The following BRINP2 variants were observed in gnomAD, a reference collection of about 807,000 sequenced individuals.
BRINP2 encodes the protein BMP/retinoic acid inducible neural specific 2.
A neutral mutation model predicts 69.2 loss-of-function variants in BRINP2; 21 were observed. The ratio of observed to expected loss-of-function variants is 0.30; its 90% confidence interval spans 0.22 to 0.44. BRINP2 has a LOEUF of 0.44. Among genes scored for constraint, BRINP2 ranks in the 20% least tolerant of loss-of-function variants. The pLI is 1.00. For synonymous variants in BRINP2, 380 were observed against 394.1 expected, an observed-to-expected ratio of 0.96 and a Z score of 0.42; for missense variants, 877 against 986.0, an observed-to-expected ratio of 0.89 and a Z score of 1.48.
At chr1:177,195,499 TG>T (rs1167031492) in intron 1 of BRINP2, among the ~76,000 whole-genome samples, 1 of 150,400 alleles carries the variant, frequency 6.6e-6, no homozygotes, top group East Asian at 1.9e-4. Flanking sequence ...CTCCCTCTTC[TG>T]TGACCGCTCT....
intron 1 of BRINP2, among the ~76,000 whole-genome samples, chr1:177,211,998 CTGTT>C (rs1649234395): frequency 6.6e-6 from 1 of 152,044 alleles, no homozygotes; most frequent in Non-Finnish European, 1.5e-5. Context: ...TTTTCTTTCT[CTGTT>C]TGAGTATATC....
At chr1:177,183,024 G>T (rs1200062512) in intron 1 of BRINP2, among the ~76,000 whole-genome samples, 1 of 149,338 alleles carries the variant, frequency 6.7e-6, no homozygotes, top group Admixed American at 6.7e-5. Context: ...AGGGCAGCAT[G>T]CAAATGCTGT....
Position 177,229,917 on chromosome 1 carries a change from C to T in BRINP2, c.41C>T (p.Pro14Leu), listed in dbSNP as rs140915160. The T allele has an allele frequency of 4.7e-5, 75 of 1,607,052 alleles. No individual in the cohort carries two copies. The African/African-American group carries it at 7.1e-4, about 15-fold the overall frequency. The change falls in exon 2 of 8, where the codon CCG becomes CTG. Residue 14 changes from proline to leucine, a missense_variant. By Grantham distance (98) the Pro-to-Leu change is moderately conservative. This residue lies in a region of BRINP2 where 566 missense variants were observed against 625.2 expected (regional missense o/e 0.91). Coordinates refer to ENST00000361539, the MANE Select transcript of BRINP2 (RefSeq NM_021165.4). Reference sequence around the variant, plus strand: ...GGCACTCGGTTTAGAGGGCTTCGGCCGGCGGTGGCCCCATGGACAGCCCTG... The same window carrying T: ...GGCACTCGGTTTAGAGGGCTTCGGCTGGCGGTGGCCCCATGGACAGCCCTG... The part of the protein sequence containing the change: ...QCGTRFRGLR[P>L]AVAPWTALLA...
In BRINP2 at chr1:177,280,667, G is replaced by A; in HGVS notation, c.1491G>A (p.Glu497=). 6.2e-7 allele frequency: 1 copy of A among 1,614,260 alleles called. No homozygotes were observed. Among genetic ancestry groups the A allele is most frequent in the South Asian group, 1.1e-5 (1 of 91,090 alleles). The part of the protein sequence containing the change: ...AQGLCRPEVA[E]SLENFLGLET... ...GGCTGTGCCGGCCAGAGGTGGCCGA[G>A]TCCCTGGAAAACTTTCTTGGGCTGG... The change falls in exon 8 of 8, where the codon GAG becomes GAA. Residue 497 remains glutamate, a synonymous_variant. Coordinates refer to ENST00000361539, the MANE Select transcript of BRINP2 (RefSeq NM_021165.4).
chr1:177,211,129 C>T (rs1047454142), intron 1 of BRINP2, among the ~76,000 whole-genome samples: 4 of 151,940 alleles, frequency 2.6e-5, no homozygotes, highest in South Asian at 2.1e-4. Flanking sequence ...TGTCTTACAA[C>T]GTCTAAGGTA....
chr1:177,264,109 C>T lies in BRINP2; in HGVS notation c.669+6725C>T, dbSNP rs188934575. On this transcript the variant is annotated intron_variant, in intron 4 of 7. Coordinates refer to ENST00000361539, the MANE Select transcript of BRINP2 (RefSeq NM_021165.4). Reference sequence around the variant, plus strand: ...CATTTAGTCCTGTAGGGGACTGTGTCAAAGTTGGAGAAAAATGGATCATAT... The same window carrying T: ...CATTTAGTCCTGTAGGGGACTGTGTTAAAGTTGGAGAAAAATGGATCATAT... 3.6e-4 allele frequency among the ~76,000 whole-genome samples: 55 copies of T among 152,180 alleles called. No individual in the cohort carries two copies. In the East Asian group the frequency reaches 8.3e-3, roughly 23 times the overall value.
chr1:177,258,130 G>T (rs1481679494), intron 4 of BRINP2, among the ~76,000 whole-genome samples: 1 of 152,208 alleles, frequency 6.6e-6, no homozygotes, highest in Admixed American at 6.5e-5. Context: ...AATAGTTATT[G>T]TGACTTTAAT....
chr1:177,258,022 A>G (rs1221720249), intron 4 of BRINP2, among the ~76,000 whole-genome samples: 1 of 152,232 alleles, frequency 6.6e-6, no homozygotes. Flanking sequence ...GTTATGTGCC[A>G]TGAGAAGGAA....
intron 2 of BRINP2, among the ~76,000 whole-genome samples, chr1:177,230,365 C>T (rs1008332405): frequency 1.2e-4 from 18 of 152,202 alleles, no homozygotes; most frequent in Non-Finnish European, 2.6e-4. Flanking sequence ...CCTGCTGATA[C>T]CTCCTGGGGA....
At chr1:177,250,920 T>G (rs116405532) in intron 2 of BRINP2, among the ~76,000 whole-genome samples, 1,628 of 152,354 alleles carry the variant, frequency 0.011, 27 homozygotes, top group African/African-American at 0.037. Flanking sequence ...ATCTATAAAA[T>G]GAAGATAATT....
intron 1 of BRINP2, among the ~76,000 whole-genome samples, chr1:177,176,693 G>A (rs1306212328): frequency 6.6e-6 from 1 of 151,998 alleles, no homozygotes; most frequent in African/African-American, 2.4e-5. Context: ...CCCAGAGTGA[G>A]CCTTAAGGCA....
chr1:177,191,196 G>C (rs1247743713), intron 1 of BRINP2, among the ~76,000 whole-genome samples: 1 of 152,212 alleles, frequency 6.6e-6, no homozygotes, highest in East Asian at 1.9e-4. Context: ...AATAAGTGGT[G>C]ATTTGCACAT....
At chr1:177,240,007 G>A (rs1348179801) in intron 2 of BRINP2, among the ~76,000 whole-genome samples, 3 of 152,208 alleles carry the variant, frequency 2.0e-5, no homozygotes, top group Non-Finnish European at 4.4e-5. Context: ...GTGAATCAGA[G>A]TGAGTAAGAA....
intron 1 of BRINP2, among the ~76,000 whole-genome samples, chr1:177,223,289 A>C (rs1558165452): frequency 6.6e-6 from 1 of 152,120 alleles, no homozygotes; most frequent in Non-Finnish European, 1.5e-5. Flanking sequence ...GCCTCAGAGG[A>C]GGGATCCTAC....
At chr1:177,203,848 G>A (rs538771779) in intron 1 of BRINP2, among the ~76,000 whole-genome samples, 23 of 152,248 alleles carry the variant, frequency 1.5e-4, no homozygotes, top group African/African-American at 4.6e-4. Flanking sequence ...TAATTGAAAC[G>A]TGCTATGAGT....
At chr1:177,260,164 G>A (rs1650899758) in intron 4 of BRINP2, among the ~76,000 whole-genome samples, 1 of 152,202 alleles carries the variant, frequency 6.6e-6, no homozygotes, top group Admixed American at 6.5e-5. Context: ...CAACCCTCAT[G>A]GATGTCTTTG....
intron 1 of BRINP2, among the ~76,000 whole-genome samples, chr1:177,222,367 A>C (rs1180175830): frequency 1.3e-5 from 2 of 151,982 alleles, no homozygotes; most frequent in Non-Finnish European, 2.9e-5. Context: ...GCTGGAGTGC[A>C]ATGGCACGAT....
At chr1:177,227,505 T>G (rs1649731268) in intron 1 of BRINP2, among the ~76,000 whole-genome samples, 1 of 152,224 alleles carries the variant, frequency 6.6e-6, no homozygotes, top group Non-Finnish European at 1.5e-5. Flanking sequence ...AATATGTGAA[T>G]GATTACATGA....
intron 1 of BRINP2, among the ~76,000 whole-genome samples, chr1:177,216,684 A>T (rs573798672): frequency 1.1e-4 from 17 of 152,092 alleles, no homozygotes; most frequent in Admixed American, 8.5e-4. Context: ...CCTAGTGATG[A>T]TAAACTTATT....
Sources: allele counts gnomAD v4.1 joint callset (sites outside exome capture counted in the v4.1 genomes callset), GRCh38; gene constraint gnomAD v4.1.1; regional missense constraint gnomAD v4.1.1; transcripts MANE v1.5; gene names NCBI Gene and HGNC (gene_info 2026-07-23, HGNC 2026-07-21).